ONECUT2: variants seen among roughly 807,000 people sequenced by gnomAD.
ONECUT2 encodes the protein one cut homeobox 2.
In ONECUT2, 10 loss-of-function variants were observed where a neutral mutation model predicts 27.9. The ratio of observed to expected loss-of-function variants is 0.36; its 90% CI spans 0.22 to 0.61. The LOEUF is 0.61. Ranked by LOEUF, ONECUT2 falls within the 20% of genes least tolerant of loss-of-function variation. The probability of loss-of-function intolerance (pLI) is 0.73; values close to 1 mark genes in which losing one functional copy is unlikely to be tolerated. For missense variants in ONECUT2, 686 were observed against 721.0 expected (o/e 0.95, Z 0.56); for synonymous variants, 334 against 315.1 (o/e 1.06, Z -0.64).
chr18:57,473,158 G>A (rs1264702527), intron 1 of ONECUT2, among the ~76,000 whole-genome samples: 1 of 152,144 alleles, frequency 6.6e-6, no homozygotes, highest in Non-Finnish European at 1.5e-5. Context: ...ATTTCTGGGG[G>A]TGGAGACCCA....
rs2050396565 is a variant in ONECUT2, at chr18:57,478,306, C to T, written c.*1583C>T. 2 of 152,496 alleles carry T rather than the reference C, an allele frequency of 1.3e-5. No homozygotes were observed. The highest frequency in any genetic ancestry group is 1.3e-4 in the Admixed American group (2 of 15,282). The allele number at this position is 152,496 out of a possible 1,614,324, so 9.4% of individuals were successfully genotyped here. ...ACCAGTGAATGGCCCCGGGTGGGGC[C>T]ACGTGGGGGTGTTCAAAGCAAGCCA... is the stretch of plus-strand genomic sequence containing the variant. On this transcript the variant is annotated 3_prime_UTR_variant, in exon 2 of 2. Coordinates refer to ENST00000491143, the MANE Select transcript of ONECUT2 (RefSeq NM_004852.3).
rs1194257208 is a variant in ONECUT2 at position 57,485,920 on chromosome 18, G to T, written c.*9197G>T. On this transcript the variant is annotated 3_prime_UTR_variant, in exon 2 of 2. Transcript: ENST00000491143. ...AAACCTGTAAGGCCTTCCTTCCAAA[G>T]AGTACATTGCTTTGGTTTTCTTCCT... 6.6e-6 allele frequency: 1 copy of T among 152,286 alleles called. No individual in the cohort carries two copies. Among genetic ancestry groups the T allele is most frequent in the Non-Finnish European group, 1.5e-5 (1 of 68,034 alleles). The allele number at this position is 152,286 out of a possible 1,614,324, so 9.4% of individuals were successfully genotyped here.
In ONECUT2 at chr18:57,476,725, G is replaced by A. The variant is rs533967768; in HGVS notation, c.*2G>A. ...TCCAGCACGTGTACCAAAGCATGAT[G>A]GAAGGACTCTCACTTGGGCACAAGT... On this transcript the variant is annotated 3_prime_UTR_variant, in exon 2 of 2. Coordinates refer to ENST00000491143, the MANE Select transcript of ONECUT2 (RefSeq NM_004852.3). 5.6e-6 allele frequency: 9 copies of A among 1,613,468 alleles called. No homozygotes were observed. The highest frequency in any genetic ancestry group is 5.3e-5 in the African/African-American group (4 of 75,032).
At chr18:57,476,339 C>A in intron 1 of ONECUT2, 98 bp from the exon 2 acceptor site, 2 of 1,267,878 alleles carry the variant, frequency 1.6e-6, no homozygotes, top group Non-Finnish European at 2.2e-6. Flanking sequence ...TAAAGTTTAA[C>A]GGTTTACATC....
Position 57,436,986 on chromosome 18 carries a change from G to A in ONECUT2, c.1228+42G>A, listed in dbSNP as rs1411678047. 4 of 1,527,622 alleles carry A rather than the reference G, an allele frequency of 2.6e-6. No individual in the cohort carries two copies. The highest frequency in any genetic ancestry group is 2.6e-6 in the Non-Finnish European group (3 of 1,136,500). The allele number at this position is 1,527,622 out of a possible 1,614,324, so 94.6% of individuals were successfully genotyped here. A position where few individuals can be genotyped will look rare whatever the true frequency, so the allele number is the denominator to read the frequency against. ...CCAGGGGCCAGGCTGCTGGGAAGAG[G>A]GCTCCGGGTCCGGTGCTTGTGGCCC... is the stretch of plus-strand genomic sequence containing the variant. On this transcript the variant is annotated intron_variant, in intron 1 of 1. Transcript: ENST00000491143. This position sits in a 1 kb window ranked among gnomAD's most constrained non-coding sequence, Gnocchi z 5.9.
chr18:57,466,741 A>G (rs1176361618), intron 1 of ONECUT2, among the ~76,000 whole-genome samples: 1 of 152,220 alleles, frequency 6.6e-6, no homozygotes. Context: ...CCTAGCTGGG[A>G]GTTCTGATCT....
intron 1 of ONECUT2, among the ~76,000 whole-genome samples, chr18:57,458,710 T>C (rs138692259): frequency 6.3e-4 from 96 of 152,202 alleles, no homozygotes; most frequent in Non-Finnish European, 1.1e-3. Context: ...CACCTCCCTG[T>C]GTACCCATGG....
intron 1 of ONECUT2, among the ~76,000 whole-genome samples, chr18:57,448,413 T>C (rs2050212564): frequency 6.6e-6 from 1 of 152,200 alleles, no homozygotes. Context: ...ACAAACCTGG[T>C]AGAGCATTCA....
intron 1 of ONECUT2, among the ~76,000 whole-genome samples, chr18:57,443,747 A>G (rs949712892): frequency 3.2e-4 from 48 of 152,194 alleles, no homozygotes; most frequent in African/African-American, 1.2e-3. Flanking sequence ...GGCTGTGCAG[A>G]TAGAGATAGC....
chr18:57,477,029 C>A lies in ONECUT2; in HGVS notation c.*306C>A. On this transcript the variant is annotated 3_prime_UTR_variant, in exon 2 of 2. Coordinates refer to ENST00000491143, the MANE Select transcript of ONECUT2 (RefSeq NM_004852.3). ...GGGGCCTTCCTGGAGCGAGTTAATT[C>A]CAGTATGGTGTCAACCAAGCTCGGG... The A allele has an allele frequency of 2.6e-6, 1 of 379,368 alleles. No individual in the cohort carries two copies. The highest frequency in any genetic ancestry group is 4.8e-6 in the Non-Finnish European group (1 of 207,680). The allele number at this position is 379,368 out of a possible 1,614,324, so 23.5% of individuals were successfully genotyped here.
chr18:57,441,535 C>G (rs1405945932), intron 1 of ONECUT2, among the ~76,000 whole-genome samples: 1 of 152,274 alleles, frequency 6.6e-6, no homozygotes, highest in African/African-American at 2.4e-5. Flanking sequence ...GCACCACCCG[C>G]CCCTGTGCGC....
intron 1 of ONECUT2, among the ~76,000 whole-genome samples, chr18:57,440,009 T>A (rs748814498): frequency 1.2e-4 from 19 of 152,172 alleles, no homozygotes; most frequent in Non-Finnish European, 2.6e-4. Flanking sequence ...CCTGCCGGTG[T>A]AGTCACAGCC....
intron 1 of ONECUT2, among the ~76,000 whole-genome samples, chr18:57,459,196 A>AC (rs1308936387): frequency 9.2e-5 from 14 of 152,210 alleles, no homozygotes; most frequent in Admixed American, 4.6e-4. Context: ...AACCCACTTC[A>AC]CCCATAAAGA....
At chr18:57,473,963 C>T (rs571404307) in intron 1 of ONECUT2, among the ~76,000 whole-genome samples, 1 of 152,322 alleles carries the variant, frequency 6.6e-6, no homozygotes, top group Non-Finnish European at 1.5e-5. Context: ...AGTCTTAGCC[C>T]TTTCTGTCTG....
intron 1 of ONECUT2, among the ~76,000 whole-genome samples, chr18:57,454,295 A>G (rs1264223636): frequency 6.6e-6 from 1 of 152,194 alleles, no homozygotes; most frequent in Non-Finnish European, 1.5e-5. Context: ...TGATTGATTG[A>G]TTAATTTTTT....
chr18:57,461,765 C>G (rs2050293170), intron 1 of ONECUT2, among the ~76,000 whole-genome samples: 1 of 152,236 alleles, frequency 6.6e-6, no homozygotes, highest in Non-Finnish European at 1.5e-5. Flanking sequence ...CTGGACCCTT[C>G]CCCAGCCCTT....
Position 57,436,350 on chromosome 18 carries a change from A to G in ONECUT2, c.634A>G (p.Ser212Gly), listed in dbSNP as rs371199275. 6.2e-7 allele frequency: 1 copy of G among 1,606,074 alleles called. No homozygotes were observed. Among genetic ancestry groups the G allele is most frequent in the Non-Finnish European group, 8.5e-7 (1 of 1,179,834 alleles). Residue 212 changes from serine to glycine, a missense_variant, in exon 1 of 2, where the codon AGT (serine) becomes GGT (glycine). Around this residue, in one of 4 missense-constraint regions of ONECUT2, gnomAD observed 511 missense variants for 488.1 expected, o/e 1.05. Transcript: ENST00000491143. The surrounding 1 kb of genome is among the most constrained non-coding windows in gnomAD (Gnocchi z 5.9). ...RGLPAMNNLY[S>G]PYKEMPGMSQ... ...GCTCCCGGCCATGAACAACCTCTAC[A>G]GTCCCTACAAGGAGATGCCCGGCAT...
At position 57,482,880 on chromosome 18, in the gene ONECUT2, T is replaced by C. The variant is rs898907442; in HGVS notation, c.*6157T>C. The C allele has an allele frequency of 6.6e-6, 1 of 152,578 alleles. No homozygotes were observed. The highest frequency in any genetic ancestry group is 1.5e-5 in the Non-Finnish European group (1 of 68,020). The allele number at this position is 152,578 out of a possible 1,614,324, so 9.5% of individuals were successfully genotyped here. A position where few individuals can be genotyped will look rare whatever the true frequency, so the allele number is the denominator to read the frequency against. Reference sequence around the variant, plus strand: ...CAGTGTACATTGTTTTCATTATTTATTGTAACATTGAAAACCACAGTGCAG... The same window carrying C: ...CAGTGTACATTGTTTTCATTATTTACTGTAACATTGAAAACCACAGTGCAG... On this transcript the variant is annotated 3_prime_UTR_variant, in exon 2 of 2. Transcript: ENST00000491143.
chr18:57,447,566 C>T (rs996186534), intron 1 of ONECUT2, among the ~76,000 whole-genome samples: 26 of 152,240 alleles, frequency 1.7e-4, no homozygotes, highest in African/African-American at 6.0e-4. Context: ...CGCTGGGGGG[C>T]GGGGGATTGA....
Sources: allele counts gnomAD v4.1 joint callset (sites outside exome capture counted in the v4.1 genomes callset), GRCh38; gene constraint gnomAD v4.1.1; regional missense constraint gnomAD v4.1.1; non-coding constraint Gnocchi (gnomAD v3.1); transcripts MANE v1.5; gene names NCBI Gene and HGNC (gene_info 2026-07-23, HGNC 2026-07-21).